Variants in CD81 observed in about 807,000 individuals in gnomAD.
CD81 encodes CD81 antigen.
In CD81, 10 loss-of-function variants were observed where a neutral mutation model predicts 30.1. That is an observed-to-expected ratio of 0.33 (90% CI 0.21 to 0.56). CD81 has a LOEUF of 0.56. Ranked by LOEUF, CD81 falls within the 20% of genes least tolerant of loss-of-function variation. CD81 has a pLI of 0.89. For missense variants in CD81, 263 were observed against 308.7 expected, an observed-to-expected ratio of 0.85 and a Z score of 1.11; for synonymous variants, 147 against 126.4, an observed-to-expected ratio of 1.16 and a Z score of -1.10.
chr11:2,391,666 C>A (rs1237677065), intron 2 of CD81: 3 of 152,048 alleles, frequency 2.0e-5, no homozygotes, highest in Non-Finnish European at 2.9e-5. Context: ...GTCCCATGGC[C>A]CTGCCCATAG....
chr11:2,379,016 C>T (rs1216113617), intron 1 of CD81: 3 of 394,902 alleles, frequency 7.6e-6, no homozygotes, highest in Non-Finnish European at 1.6e-5. Flanking sequence ...TGGTGGGAGT[C>T]ACTGTGGCCT....
chr11:2,386,176 G>C, intron 1 of CD81: 1 of 717,356 alleles, frequency 1.4e-6, no homozygotes, highest in Non-Finnish European at 2.6e-6. Flanking sequence ...CTCTTCATGT[G>C]CTTTTTTGCT....
chr11:2,395,279 C>T (rs1354040553), intron 4 of CD81, 137 bp from the exon 5 acceptor site: 2 of 783,316 alleles, frequency 2.6e-6, no homozygotes, highest in Non-Finnish European at 4.4e-6. Context: ...GTGCAGAGTC[C>T]TTGTCCTCTG....
chr11:2,390,140 C>A, intron 1 of CD81: 1 of 577,520 alleles, frequency 1.7e-6, no homozygotes, highest in East Asian at 2.9e-5. Flanking sequence ...TAACCGGCGT[C>A]CCGTGTCTTC....
intron 1 of CD81, chr11:2,386,092 C>T (rs767396007): frequency 1.4e-6 from 1 of 717,410 alleles, no homozygotes; most frequent in South Asian, 1.5e-5. Flanking sequence ...TTCGTGGCAG[C>T]CAGTCCACTG....
At position 2,394,126 on chromosome 11, in the gene CD81, CATG is replaced by C; in HGVS notation, c.217_219del (p.Met73del). 6.2e-7 allele frequency: 1 copy of C among 1,613,302 alleles called. No individual in the cohort carries two copies. The highest frequency in any genetic ancestry group is 8.5e-7 in the Non-Finnish European group (1 of 1,179,892). On this transcript the variant is annotated inframe_deletion, in exon 3 of 8. Coordinates refer to ENST00000263645, the MANE Select transcript of CD81 (RefSeq NM_004356.4). ...ACATCCTCATCGCTGTGGGCGCTGTCATGATGTTCGTTGGCTTCCTGGGCTGCT... is the reference window on the plus strand; with the variant it reads ...ACATCCTCATCGCTGTGGGCGCTGTCATGTTCGTTGGCTTCCTGGGCTGCT...
rs1398217653 is a variant in CD81, at chr11:2,394,157, G to A, written c.244G>A (p.Gly82Arg). ...GTTCGTTGGCTTCCTGGGCTGCTAC[G>A]GGGCCATCCAGGAATCCCAGTGCCT... Reference protein sequence around the residue: ...MMFVGFLGCYGAIQESQCLLG... With the variant: ...MMFVGFLGCYRAIQESQCLLG... Residue 82 changes from glycine to arginine, a missense_variant, in exon 3 of 8, where the codon GGG becomes AGG. Transcript: ENST00000263645. 1.2e-6 allele frequency: 2 copies of A among 1,612,984 alleles called. No homozygotes were observed. The highest frequency in any genetic ancestry group is 1.7e-6 in the Non-Finnish European group (2 of 1,179,834).
At chr11:2,394,309 G>T in intron 3 of CD81, 117 bp downstream of exon 3, 2 of 674,136 alleles carry the variant, frequency 3.0e-6, no homozygotes, top group South Asian at 3.5e-5. Context: ...GGGGGAGGTG[G>T]CTCCTGTGCC....
chr11:2,395,589 AT>A (rs1306172961), intron 5 of CD81, 69 bp downstream of exon 5: 1 of 1,238,240 alleles, frequency 8.1e-7, no homozygotes, highest in African/African-American at 1.5e-5. Flanking sequence ...CTCGTCCTGG[AT>A]GAATCCTGCC....
intron 1 of CD81, chr11:2,385,927 G>A (rs1236935869): frequency 3.0e-6 from 2 of 668,208 alleles, no homozygotes; most frequent in East Asian, 2.7e-5. Flanking sequence ...TGTGCGTGGA[G>A]CAGCTGGGTC....
intron 2 of CD81, chr11:2,392,654 C>T (rs1285375046): frequency 3.9e-5 from 6 of 152,304 alleles, no homozygotes; most frequent in South Asian, 2.1e-4. Flanking sequence ...ATTCCAGAAT[C>T]GGCCTTCTGG....
chr11:2,380,914 G>A (rs1043072744), intron 1 of CD81, among the ~76,000 whole-genome samples: 4 of 152,254 alleles, frequency 2.6e-5, no homozygotes, highest in African/African-American at 7.2e-5. Context: ...ACCTCCCAGT[G>A]GCAGGGCAGC....
intron 1 of CD81, among the ~76,000 whole-genome samples, chr11:2,384,018 G>T (rs1208098761): frequency 6.6e-6 from 1 of 152,204 alleles, no homozygotes; most frequent in Non-Finnish European, 1.5e-5. Flanking sequence ...GGCAGCGCCT[G>T]CTGCCTTTTG....
At position 2,396,624 on chromosome 11, in the gene CD81, G is replaced by A. The variant is rs756029677; in HGVS notation, c.562-4G>A. On this transcript the variant is annotated splice_region_variant and splice_polypyrimidine_tract_variant and intron_variant, in intron 6 of 7. Transcript: ENST00000263645. ...TGACCACGCGTGCCTGGCCACCCCT[G>A]CAGGAGGACTGCCACCAGAAGATCG... 12 of 1,610,516 alleles carry A rather than the reference G, an allele frequency of 7.5e-6. No individual in the cohort carries two copies. The highest frequency in any genetic ancestry group is 1.0e-5 in the Non-Finnish European group (12 of 1,179,832).
chr11:2,389,671 G>T (rs2522012), intron 1 of CD81, among the ~76,000 whole-genome samples: 93,546 of 151,738 alleles, frequency 0.62, 32,229 homozygotes, highest in Non-Finnish European at 0.8. Flanking sequence ...GCCGGCTTCT[G>T]CGCGCCCCTT....
chr11:2,391,971 C>T (rs1849908382), intron 2 of CD81: 1 of 152,338 alleles, frequency 6.6e-6, no homozygotes, highest in Non-Finnish European at 1.5e-5. Flanking sequence ...AGAAGGGCCT[C>T]CCAGCCATCC....
In CD81 at chr11:2,394,128, T is replaced by C. The variant is rs1471001935; in HGVS notation, c.215T>C (p.Met72Thr). 1 of 1,613,094 alleles carries C rather than the reference T, an allele frequency of 6.2e-7. No homozygotes were observed. The highest frequency in any genetic ancestry group is 1.1e-5 in the South Asian group (1 of 91,064). ...IYILIAVGAV[M>T]MFVGFLGCYG... ...ATCCTCATCGCTGTGGGCGCTGTCA[T>C]GATGTTCGTTGGCTTCCTGGGCTGC... is the stretch of plus-strand genomic sequence containing the variant. The change falls in exon 3 of 8, where the codon ATG becomes ACG. Residue 72 changes from methionine (M) to threonine (T), a missense_variant. Physicochemically the swap from Met to Thr is moderately conservative, Grantham distance 81. Around this residue, in one of 3 missense-constraint regions of CD81, gnomAD observed 84 missense variants for 98.2 expected, o/e 0.86. Coordinates refer to ENST00000263645, the MANE Select transcript of CD81 (RefSeq NM_004356.4).
chr11:2,387,660 G>C (rs1263092928), intron 1 of CD81, among the ~76,000 whole-genome samples: 1 of 152,118 alleles, frequency 6.6e-6, no homozygotes, highest in Non-Finnish European at 1.5e-5. Context: ...CTGGAAGCCA[G>C]GGGCCCCTGG....
chr11:2,382,224 C>A (rs1348523278), intron 1 of CD81, among the ~76,000 whole-genome samples: 1 of 152,172 alleles, frequency 6.6e-6, no homozygotes, highest in African/African-American at 2.4e-5. Context: ...CCCACCCCCA[C>A]CCCCCGCACA....
Sources: gnomAD v4.1 joint callset for allele counts (sites outside exome capture counted in the v4.1 genomes callset) on GRCh38, gnomAD v4.1.1 for gene constraint, gnomAD v4.1.1 regional missense constraint, MANE v1.5 for transcripts, NCBI Gene and HGNC (gene_info 2026-07-23, HGNC 2026-07-21) for gene names.